The following ADGRL3 variants were observed in gnomAD, a reference collection of about 807,000 sequenced individuals.
The protein encoded by ADGRL3 is adhesion G protein-coupled receptor L3, also known as calcium-independent alpha-latrotoxin receptor 3.
In ADGRL3, 62 loss-of-function variants were observed where a neutral mutation model predicts 153.5. The ratio of observed to expected loss-of-function variants is 0.40; its 90% CI spans 0.33 to 0.50. The LOEUF (loss-of-function observed/expected upper bound fraction) is 0.50, where lower values mean the gene tolerates loss of function less well. ADGRL3 is among the 20% of genes least tolerant of loss of function. The probability of loss-of-function intolerance (pLI) is 0.47; values close to 1 mark genes in which losing one functional copy is unlikely to be tolerated. For synonymous variants in ADGRL3, 710 were observed against 672.5 expected (o/e 1.06, Z -0.86); for missense variants, 1,641 against 1,859.4 (o/e 0.88, Z 2.16).
rs531892387 is a variant in ADGRL3, at chr4:61,529,723, GT to G, written c.259+12215del. 2.1e-3 allele frequency among the ~76,000 whole-genome samples: 310 copies of G among 148,568 alleles called. 4 individuals are homozygous for G. In the South Asian group the frequency reaches 0.039, roughly 19 times the overall value. On this transcript the variant is annotated intron_variant, in intron 4 of 26. Coordinates refer to ENST00000683033, the MANE Select transcript of ADGRL3 (RefSeq NM_001387552.1). ...CTATTCATAAGACTATTCAAGACCA[GT>G]TTTTTTTTTCATTACAAATGGTTCT... is the stretch of plus-strand genomic sequence containing the variant.
intron 4 of ADGRL3, among the ~76,000 whole-genome samples, chr4:61,574,939 T>C (rs1350871897): frequency 6.6e-6 from 1 of 151,920 alleles, no homozygotes; most frequent in South Asian, 2.1e-4. Context: ...ATTATTAATG[T>C]TTGCAAGCAT....
chr4:61,806,345 G>T (rs1419912059), intron 8 of ADGRL3, among the ~76,000 whole-genome samples: 1 of 151,886 alleles, frequency 6.6e-6, no homozygotes, highest in East Asian at 1.9e-4. Flanking sequence ...TTAGTGGGTA[G>T]CCAAGGTGTG....
chr4:61,649,624 G>A (rs186134289), intron 5 of ADGRL3, among the ~76,000 whole-genome samples: 71 of 152,088 alleles, frequency 4.7e-4, no homozygotes, highest in Middle Eastern at 6.8e-3. Context: ...CCTCCTCTGG[G>A]CTAAATTTAA....
chr4:61,639,567 A>G (rs2093576712), intron 5 of ADGRL3, among the ~76,000 whole-genome samples: 2 of 152,224 alleles, frequency 1.3e-5, no homozygotes, highest in Middle Eastern at 3.4e-3. Flanking sequence ...TCTCTGGAAA[A>G]TAGGTTTATT....
At chr4:61,349,093 A>C (rs2095988262) in intron 1 of ADGRL3, among the ~76,000 whole-genome samples, 1 of 152,046 alleles carries the variant, frequency 6.6e-6, no homozygotes, top group African/African-American at 2.4e-5. Context: ...CTAATAGTTA[A>C]GAACCAGCTA....
chr4:61,939,229 T>C (rs1044968426), intron 15 of ADGRL3, among the ~76,000 whole-genome samples: 3 of 152,146 alleles, frequency 2.0e-5, no homozygotes, highest in African/African-American at 7.2e-5. Flanking sequence ...GTGTTTTCCT[T>C]AACATTGCAA....
At chr4:62,014,254 A>T (rs1239233262) in intron 21 of ADGRL3, among the ~76,000 whole-genome samples, 1 of 152,136 alleles carries the variant, frequency 6.6e-6, no homozygotes, top group African/African-American at 2.4e-5. Context: ...CAATCCTTTG[A>T]GTTTGTGTGC....
intron 4 of ADGRL3, among the ~76,000 whole-genome samples, chr4:61,561,156 A>G (rs943611563): frequency 6.6e-6 from 1 of 152,138 alleles, no homozygotes; most frequent in South Asian, 2.1e-4. Flanking sequence ...ATTCAGTTCT[A>G]TTAGGATGCA....
intron 1 of ADGRL3, among the ~76,000 whole-genome samples, chr4:61,338,652 T>A (rs1373296280): frequency 6.6e-6 from 1 of 152,174 alleles, no homozygotes; most frequent in East Asian, 1.9e-4. Context: ...GAATTGGATG[T>A]CCAGGAGAAC....
intron 2 of ADGRL3, among the ~76,000 whole-genome samples, chr4:61,421,041 T>A (rs2097200300): frequency 6.6e-6 from 1 of 152,068 alleles, no homozygotes; most frequent in African/African-American, 2.4e-5. Flanking sequence ...CCGGGCACAG[T>A]GGCTCACACC....
intron 8 of ADGRL3, among the ~76,000 whole-genome samples, chr4:61,811,203 A>G (rs926969708): frequency 2.6e-5 from 4 of 152,162 alleles, no homozygotes; most frequent in African/African-American, 9.7e-5. Flanking sequence ...ATTGTTCACA[A>G]TAGTCAAGAA....
intron 17 of ADGRL3, among the ~76,000 whole-genome samples, chr4:61,952,611 G>A (rs1229032932): frequency 6.6e-6 from 1 of 152,066 alleles, no homozygotes; most frequent in African/African-American, 2.4e-5. Flanking sequence ...CCTTACCTGT[G>A]TCAGCACAGT....
rs567667622 is a variant in ADGRL3 at position 61,931,707 on chromosome 4, T to C, written c.2113-3133T>C. On this transcript the variant is annotated intron_variant, in intron 13 of 26. Coordinates refer to ENST00000683033, the MANE Select transcript of ADGRL3 (RefSeq NM_001387552.1). ...AAATTGGTGTCATAACTCACCAAAT[T>C]CTAGGTTTGGGGGCCACATTTTGAG... Among the ~76,000 whole-genome samples, 22 of 152,294 alleles carry C rather than the reference T, an allele frequency of 1.4e-4. No homozygotes were observed. The East Asian group carries it at 2.5e-3, about 17-fold the overall frequency.
At chr4:61,287,376 A>G in intron 1 of ADGRL3, among the ~76,000 whole-genome samples, 1 of 151,902 alleles carries the variant, frequency 6.6e-6, no homozygotes. Context: ...CGACATTTCC[A>G]TTTTAATGCA....
chr4:61,739,677 G>C (rs2096560672), intron 8 of ADGRL3, among the ~76,000 whole-genome samples: 2 of 152,096 alleles, frequency 1.3e-5, no homozygotes, highest in African/African-American at 4.8e-5. Flanking sequence ...CATCTTCACT[G>C]TCAGCACATG....
At chr4:61,673,657 G>A (rs1444550319) in intron 5 of ADGRL3, among the ~76,000 whole-genome samples, 4 of 150,970 alleles carry the variant, frequency 2.6e-5, no homozygotes, top group African/African-American at 4.8e-5. Context: ...AAAAGAAAGC[G>A]AAGTAAAGGA....
At chr4:61,692,442 C>T (rs932328358) in intron 6 of ADGRL3, among the ~76,000 whole-genome samples, 6 of 112,184 alleles carry the variant, frequency 5.3e-5, no homozygotes, top group East Asian at 7.9e-4. Context: ...CTCTCTCTTC[C>T]TATTTTTTTT....
chr4:61,211,672 C>G (rs1399104454), intron 1 of ADGRL3: 1 of 152,142 alleles, frequency 6.6e-6, no homozygotes, highest in Non-Finnish European at 1.5e-5. Context: ...ACTCACTTCA[C>G]CAACAAAACC....
intron 5 of ADGRL3, among the ~76,000 whole-genome samples, chr4:61,672,584 A>T (rs2095045213): frequency 6.6e-6 from 1 of 152,122 alleles, no homozygotes; most frequent in African/African-American, 2.4e-5. Context: ...GCTCAACTTC[A>T]CTAATCGTCA....
Sources: gnomAD v4.1 joint callset for allele counts (sites outside exome capture counted in the v4.1 genomes callset) on GRCh38, gnomAD v4.1.1 for gene constraint, MANE v1.5 for transcripts, NCBI Gene and HGNC (gene_info 2026-07-23, HGNC 2026-07-21) for gene names.